Variants in TMPO observed in about 807,000 individuals in gnomAD.
TMPO encodes the protein LEM domain containing 4.
A neutral mutation model predicts 45.4 loss-of-function variants in TMPO; 22 were observed. The ratio of observed to expected loss-of-function variants is 0.48; its 90% confidence interval spans 0.35 to 0.69. The LOEUF (loss-of-function observed/expected upper bound fraction) is 0.69. TMPO is among the 30% of genes least tolerant of loss of function. TMPO has a pLI of 0.01. For synonymous variants in TMPO, 241 were observed against 204.1 expected, an observed-to-expected ratio of 1.18 and a Z score of -1.54; for missense variants, 512 against 548.8, an observed-to-expected ratio of 0.93 and a Z score of 0.67.
chr12:98,519,272 C>T (rs183801707), intron 1 of TMPO, among the ~76,000 whole-genome samples: 2 of 152,022 alleles, frequency 1.3e-5, no homozygotes, highest in East Asian at 3.9e-4. Flanking sequence ...TGCAATGGCC[C>T]GATTTCATCT....
chr12:98,521,817 C>T (rs1876390773), intron 1 of TMPO, among the ~76,000 whole-genome samples: 1 of 152,010 alleles, frequency 6.6e-6, no homozygotes, highest in African/African-American at 2.4e-5. Flanking sequence ...GCAACCTCCA[C>T]CTCCCGGGTT....
chr12:98,522,203 GATAGTCTCA>G (rs1876425889), intron 1 of TMPO, among the ~76,000 whole-genome samples: 1 of 152,108 alleles, frequency 6.6e-6, no homozygotes, highest in Non-Finnish European at 1.5e-5. Flanking sequence ...TTTTTATAGA[GATAGTCTCA>G]CTATGTTGAC....
chr12:98,523,821 G>A lies in TMPO; in HGVS notation c.280-4065G>A, dbSNP rs1033217274. 3.6e-4 allele frequency among the ~76,000 whole-genome samples: 55 copies of A among 152,140 alleles called. 1 individual carries two copies. The highest frequency in any genetic ancestry group is 1.1e-3 in the African/African-American group (44 of 41,510). ...CTGCCGAGTAGCTAGGACTATAGGC[G>A]TGTGCCATCACACCTGGCTAATTTT... On this transcript the variant is annotated intron_variant, in intron 1 of 8. Coordinates refer to ENST00000556029, the MANE Select transcript of TMPO (RefSeq NM_001032283.3).
At chr12:98,527,548 T>G in intron 1 of TMPO, 1 of 210,178 alleles carries the variant, frequency 4.8e-6, no homozygotes, top group Non-Finnish European at 9.5e-6. Flanking sequence ...AAAAAGGTTA[T>G]TTAAAAGAAA....
intron 3 of TMPO, 67 bp downstream of exon 3, chr12:98,531,905 A>G: frequency 7.3e-7 from 1 of 1,378,472 alleles, no homozygotes. Context: ...AGTGACCATG[A>G]AGAAAGTAAA....
At chr12:98,539,936 A>G (rs913331535) in intron 4 of TMPO, among the ~76,000 whole-genome samples, 3 of 152,246 alleles carry the variant, frequency 2.0e-5, no homozygotes, top group African/African-American at 2.4e-5. Flanking sequence ...AATAAAATTA[A>G]TAATTTATTT....
chr12:98,534,652 T>G (rs1167825270), intron 3 of TMPO: 1 of 1,180,646 alleles, frequency 8.5e-7, no homozygotes, highest in Non-Finnish European at 1.1e-6. Flanking sequence ...AAATTCTAAT[T>G]AGGATATAAG....
chr12:98,541,068 T>C (rs1202763571), intron 4 of TMPO, among the ~76,000 whole-genome samples: 2 of 152,220 alleles, frequency 1.3e-5, no homozygotes, highest in Non-Finnish European at 2.9e-5. Flanking sequence ...CATTGTGCCA[T>C]CTGTAGCCAT....
At chr12:98,521,730 A>T (rs911866254) in intron 1 of TMPO, among the ~76,000 whole-genome samples, 3 of 151,854 alleles carry the variant, frequency 2.0e-5, no homozygotes, top group Non-Finnish European at 4.4e-5. Context: ...TGTTCTGGTG[A>T]ATTATGAGTG....
rs767040737 is a variant in TMPO, at chr12:98,547,579, T to C, written c.1086T>C (p.Ser362=). The change falls in exon 9 of 9, where the codon AGT becomes AGC. Residue 362 remains serine, a synonymous_variant. Transcript: ENST00000556029. ...EASTPTGISA[S]CRRPIKGAAG... ...CTCCTTTCACTCCCAACAGTGCTAG[T>C]TGCCGCAGACCAATCAAAGGGGCTG... 5 of 1,614,190 alleles carry C rather than the reference T, an allele frequency of 3.1e-6. No homozygotes were observed. The highest frequency in any genetic ancestry group is 2.2e-5 in the East Asian group (1 of 44,892).
rs928595789 is a variant in TMPO, at chr12:98,548,685, G to A, written c.*827G>A. The A allele has an allele frequency of 6.6e-6, 1 of 152,200 alleles. No homozygotes were observed. The highest frequency in any genetic ancestry group is 1.5e-5 in the Non-Finnish European group (1 of 68,030). The allele number at this position is 152,200 out of a possible 1,614,324, so 9.4% of individuals were successfully genotyped here. On this transcript the variant is annotated 3_prime_UTR_variant, in exon 9 of 9. Transcript: ENST00000556029. ...CTACCAAAATATGTTTTAGATAAGT[G>A]TGTGTATGTTTGTTTAGAAGTTAGA...
intron 2 of TMPO, among the ~76,000 whole-genome samples, chr12:98,528,396 C>T (rs1876943666): frequency 6.6e-6 from 1 of 151,908 alleles, no homozygotes; most frequent in Non-Finnish European, 1.5e-5. Context: ...CCTGCCTCAG[C>T]CTCCTGAGTA....
chr12:98,532,949 C>G, intron 3 of TMPO: 1 of 1,614,144 alleles, frequency 6.2e-7, no homozygotes, highest in Non-Finnish European at 8.5e-7. Context: ...TCCACCCGTC[C>G]TCCTTTGGGC....
At chr12:98,525,597 C>T (rs560240857) in intron 1 of TMPO, among the ~76,000 whole-genome samples, 10 of 152,006 alleles carry the variant, frequency 6.6e-5, no homozygotes, top group East Asian at 3.9e-4. Context: ...AAAAATTAGC[C>T]GGGCGTGGTG....
chr12:98,538,666 A>G (rs542275947), intron 4 of TMPO, among the ~76,000 whole-genome samples: 1 of 152,140 alleles, frequency 6.6e-6, no homozygotes, highest in South Asian at 2.1e-4. Flanking sequence ...TTGTCGTTTT[A>G]AAATCAAATC....
rs759985853 is a variant in TMPO at position 98,544,234 on chromosome 12, A to C, written c.668A>C (p.Tyr223Ser). The C allele has an allele frequency of 4.3e-6, 7 of 1,613,826 alleles. No homozygotes were observed. Among genetic ancestry groups the C allele is most frequent in the East Asian group, 2.2e-5 (1 of 44,832 alleles). The change falls in exon 5 of 9, where the codon TAT (tyrosine) becomes TCT (serine). Residue 223 changes from tyrosine (Y) to serine (S), a missense_variant. Tyr to Ser is a moderately radical substitution (Grantham distance 144). This residue lies in a region of TMPO where 299 missense variants were observed against 296.7 expected (regional missense o/e 1.01). Transcript: ENST00000556029. ...AATGTGTTGATGCTTGAATAGAGCT[A>C]TTCTCAAGCTGGAATAACTGAGACT... ...KQRRVEHNQS[Y>S]SQAGITETEW...
intron 8 of TMPO, 126 bp from the exon 9 acceptor site, chr12:98,547,447 C>T: frequency 2.6e-6 from 3 of 1,143,852 alleles, no homozygotes; most frequent in Non-Finnish European, 3.8e-6. Flanking sequence ...TTATATGTAT[C>T]AATTTTCTAC....
rs939977761 is a variant in TMPO, at chr12:98,518,227, C to G, written c.279+2081C>G. Among the ~76,000 whole-genome samples the G allele has an allele frequency of 2.6e-5, 4 of 151,670 alleles. 1 individual carries two copies. The highest frequency in any genetic ancestry group is 9.7e-5 in the African/African-American group (4 of 41,384). ...TAAAAAACCTAATTTTCTATAGAACCCTTCATTGGTCCTCTGTGCAAAAGT... is the reference window on the plus strand; with the variant it reads ...TAAAAAACCTAATTTTCTATAGAACGCTTCATTGGTCCTCTGTGCAAAAGT... On this transcript the variant is annotated intron_variant, in intron 1 of 8. Coordinates refer to ENST00000556029, the MANE Select transcript of TMPO (RefSeq NM_001032283.3).
intron 3 of TMPO, chr12:98,534,505 ACTT>A: frequency 7.0e-7 from 1 of 1,437,762 alleles, no homozygotes; most frequent in Non-Finnish European, 9.1e-7. Flanking sequence ...GTGTAGAACT[ACTT>A]GTCTTTTCTA....
Sources: gnomAD v4.1 joint callset for allele counts (sites outside exome capture counted in the v4.1 genomes callset) on GRCh38, gnomAD v4.1.1 for gene constraint, gnomAD v4.1.1 regional missense constraint, MANE v1.5 for transcripts, NCBI Gene and HGNC (gene_info 2026-07-23, HGNC 2026-07-21) for gene names.